Variants in SCIMP observed in about 807,000 individuals in gnomAD.
SCIMP encodes the protein SLP adaptor and CSK interacting membrane protein.
SCIMP carries 18 observed loss-of-function variants against 22.0 expected under a neutral mutation model. That is an observed-to-expected ratio of 0.82 (90% confidence interval 0.56 to 1.21). The LOEUF is 1.21. SCIMP is among the 50% of genes most tolerant of loss of function. SCIMP has a pLI of 0.00. For missense variants in SCIMP, 155 were observed against 171.2 expected (o/e 0.91, Z 0.53); for synonymous variants, 53 against 62.2 (o/e 0.85, Z 0.70).
Position 5,221,304 on chromosome 17 carries a change from A to G in SCIMP, c.192T>C (p.Asp64=), listed in dbSNP as rs775183995. 3.1e-6 allele frequency: 5 copies of G among 1,613,336 alleles called. No homozygotes were observed. The highest frequency in any genetic ancestry group is 3.4e-6 in the Non-Finnish European group (4 of 1,179,292). The change falls in exon 3 of 5, where the codon GAT becomes GAC. Residue 64 remains aspartate, a synonymous_variant. Coordinates refer to ENST00000574081, the MANE Select transcript of SCIMP (RefSeq NM_207103.3). ...IAKPLKHKQV[D]EEKMYENVLN... is the part of the protein sequence containing the mutation. ...CTACTTACTCATACATCTTTTCTTCATCTACTTGCTTGTGTTTCAGGGGCT... is the reference window on the plus strand; with the variant it reads ...CTACTTACTCATACATCTTTTCTTCGTCTACTTGCTTGTGTTTCAGGGGCT...
In SCIMP at chr17:5,215,006, G is replaced by T; in HGVS notation, c.210-8C>A. The T allele has an allele frequency of 6.4e-7, 1 of 1,568,962 alleles. No individual in the cohort carries two copies. Among genetic ancestry groups the T allele is most frequent in the African/African-American group, 1.4e-5 (1 of 74,070 alleles). On this transcript the variant is annotated splice_polypyrimidine_tract_variant and splice_region_variant and intron_variant, in intron 3 of 4. Transcript: ENST00000574081. Reference sequence around the variant, plus strand: ...GACTCATTAAGAACATTCCTAGAGAGAGAGAAAGAGAGAGAATCAGTGTTT... The same window carrying T: ...GACTCATTAAGAACATTCCTAGAGATAGAGAAAGAGAGAGAATCAGTGTTT...
chr17:5,224,442 TTTTG>T (rs34816789), intron 1 of SCIMP, among the ~76,000 whole-genome samples: 129,668 of 143,588 alleles, frequency 0.9, 59,097 homozygotes, highest in East Asian at 1. Flanking sequence ...AGGCCAGTTT[TTTTG>T]TTTGTTTGTT....
In SCIMP at chr17:5,231,525, C is replaced by T. The variant is rs115877296; in HGVS notation, c.21+3210G>A. 9.1e-3 allele frequency among the ~76,000 whole-genome samples: 1,387 copies of T among 152,218 alleles called. 17 individuals carry two copies. The highest frequency in any genetic ancestry group is 0.032 in the African/African-American group (1,321 of 41,516). ...GCCAAAAACTCCATCTTCCATCATG[C>T]TAATGCCACCATTTTGTGAACCTGC... On this transcript the variant is annotated intron_variant, in intron 1 of 4. Transcript: ENST00000574081.
intron 2 of SCIMP, among the ~76,000 whole-genome samples, chr17:5,223,116 T>C (rs948697778): frequency 1.3e-5 from 2 of 152,144 alleles, no homozygotes; most frequent in Non-Finnish European, 2.9e-5. Context: ...TCTTGGAGAT[T>C]AGTTGATGTC....
intron 3 of SCIMP, among the ~76,000 whole-genome samples, chr17:5,220,245 T>A (rs2074595942): frequency 6.6e-6 from 1 of 152,046 alleles, no homozygotes; most frequent in South Asian, 2.1e-4. Flanking sequence ...GACTGGGCGC[T>A]GGGCCCAGAA....
chr17:5,229,492 C>T (rs2074677305), intron 1 of SCIMP, among the ~76,000 whole-genome samples: 1 of 139,658 alleles, frequency 7.2e-6, no homozygotes. Flanking sequence ...CTCCCCGGTT[C>T]AAGCAATTCT....
In SCIMP at chr17:5,210,223, G is replaced by A. The variant is rs2074516764; in HGVS notation, c.*578C>T. The A allele has an allele frequency of 6.6e-6, 1 of 152,118 alleles. No individual in the cohort carries two copies. Among genetic ancestry groups the A allele is most frequent in the Non-Finnish European group, 1.5e-5 (1 of 68,130 alleles). 9.4% of individuals were successfully genotyped at this position (152,118 alleles called of 1,614,324 possible). A position where few individuals can be genotyped will look rare whatever the true frequency, so the allele number is the denominator to read the frequency against. On this transcript the variant is annotated 3_prime_UTR_variant, in exon 5 of 5. Coordinates refer to ENST00000574081, the MANE Select transcript of SCIMP (RefSeq NM_207103.3). ...GTTTGCAGGGTGTCTAGGTGGGGAGGGTTCACGAGAACAAAAGGTACTCCC... is the reference window on the plus strand; with the variant it reads ...GTTTGCAGGGTGTCTAGGTGGGGAGAGTTCACGAGAACAAAAGGTACTCCC...
At chr17:5,232,034 C>T (rs773805503) in intron 1 of SCIMP, among the ~76,000 whole-genome samples, 162 of 150,938 alleles carry the variant, frequency 1.1e-3, no homozygotes, top group Admixed American at 2.8e-3. Context: ...CCAGCCTGGG[C>T]GACAGAGCGA....
At chr17:5,232,194 G>A (rs2074703323) in intron 1 of SCIMP, among the ~76,000 whole-genome samples, 3 of 152,370 alleles carry the variant, frequency 2.0e-5, no homozygotes, top group South Asian at 2.1e-4. Flanking sequence ...TCAGAGCAGC[G>A]CCGTGTTATG....
chr17:5,222,245 A>G (rs970664113), intron 2 of SCIMP, among the ~76,000 whole-genome samples: 1 of 151,330 alleles, frequency 6.6e-6, no homozygotes, highest in African/African-American at 2.4e-5. Context: ...GCCTGCCACC[A>G]CGCCCGGCTA....
intron 1 of SCIMP, among the ~76,000 whole-genome samples, chr17:5,233,137 C>T (rs916720785): frequency 1.3e-5 from 2 of 152,110 alleles, no homozygotes; most frequent in Non-Finnish European, 2.9e-5. Flanking sequence ...AGCCTCTCTT[C>T]TTCCCTTCTC....
intron 3 of SCIMP, among the ~76,000 whole-genome samples, chr17:5,218,357 T>C (rs1193560284): frequency 6.6e-6 from 1 of 151,682 alleles, no homozygotes; most frequent in Admixed American, 6.6e-5. Flanking sequence ...TTTTTTTTTT[T>C]TGAGACTGAG....
At chr17:5,231,454 A>G (rs2074693525) in intron 1 of SCIMP, among the ~76,000 whole-genome samples, 1 of 152,124 alleles carries the variant, frequency 6.6e-6, no homozygotes, top group African/African-American at 2.4e-5. Context: ...CAATCCTTCA[A>G]CTTGGTCTGT....
intron 3 of SCIMP, chr17:5,220,962 G>A (rs1347110914): frequency 5.8e-5 from 23 of 396,268 alleles, no homozygotes; most frequent in Non-Finnish European, 4.3e-5. Flanking sequence ...GGAGGCTGAG[G>A]CAGGAGAATT....
In SCIMP at chr17:5,232,378, A is replaced by ATAAACAGTGCAGTATAAACAGTGCAGTG. The variant is rs1555615402; in HGVS notation, c.21+2356_21+2357insCACTGCACTGTTTATACTGCACTGTTTA. ...AACAGTGCAGTGTAAACAGTGCAGT[A>ATAAACAGTGCAGTATAAACAGTGCAGTG]TAAACAGTGCAGTATAAACAGTATA... is the stretch of plus-strand genomic sequence containing the variant. On this transcript the variant is annotated intron_variant, in intron 1 of 4. Coordinates refer to ENST00000574081, the MANE Select transcript of SCIMP (RefSeq NM_207103.3). 4.5e-4 allele frequency among the ~76,000 whole-genome samples: 62 copies of ATAAACAGTGCAGTATAAACAGTGCAGTG among 138,658 alleles called. 13 individuals carry two copies. The highest frequency in any genetic ancestry group is 2.6e-3 in the East Asian group (10 of 3,842). 91.0% of individuals were successfully genotyped at this position (138,658 alleles called of 152,430 possible). A position where few individuals can be genotyped will look rare whatever the true frequency, so the allele number is the denominator to read the frequency against.
At chr17:5,219,160 A>C (rs889303641) in intron 3 of SCIMP, among the ~76,000 whole-genome samples, 1 of 152,000 alleles carries the variant, frequency 6.6e-6, no homozygotes, top group Admixed American at 6.6e-5. Context: ...TCTACTAAAA[A>C]TACAAAAAAT....
intron 1 of SCIMP, chr17:5,223,696 C>A (rs1482369666): frequency 7.1e-6 from 3 of 424,598 alleles, no homozygotes; most frequent in Non-Finnish European, 8.8e-6. Flanking sequence ...ACTACAGGCA[C>A]CTGCCACCAC....
chr17:5,224,230 G>T (rs2074630427), intron 1 of SCIMP, among the ~76,000 whole-genome samples: 1 of 151,872 alleles, frequency 6.6e-6, no homozygotes. Flanking sequence ...TGCTTCCTGG[G>T]TTCACATCAT....
In SCIMP at chr17:5,214,709, G is replaced by A. The variant is rs546993052; in HGVS notation, c.283+216C>T. On this transcript the variant is annotated intron_variant, in intron 4 of 4. Transcript: ENST00000574081. Reference sequence around the variant, plus strand: ...CAAAAAATTAGCTGGGCGTGGTGGCGGGTGCCTGTAGTCCCAGCTACTCCG... The same window carrying A: ...CAAAAAATTAGCTGGGCGTGGTGGCAGGTGCCTGTAGTCCCAGCTACTCCG... 4.8e-5 allele frequency: 22 copies of A among 462,934 alleles called. No individual in the cohort carries two copies. In the Middle Eastern group the frequency reaches 1.7e-3, roughly 36 times the overall value. 28.7% of individuals were successfully genotyped at this position (462,934 alleles called of 1,614,324 possible).
Sources: gnomAD v4.1 joint callset for allele counts (sites outside exome capture counted in the v4.1 genomes callset) on GRCh38, gnomAD v4.1.1 for gene constraint, MANE v1.5 for transcripts, NCBI Gene and HGNC (gene_info 2026-07-23, HGNC 2026-07-21) for gene names.